CDH12: variants seen among roughly 807,000 people sequenced by gnomAD.
CDH12 encodes cadherin-12.
CDH12 carries 41 observed loss-of-function variants against 74.1 expected under a neutral mutation model. The observed-to-expected ratio is 0.55, with a 90% CI of 0.43 to 0.72. The LOEUF is 0.72. Ranked by LOEUF, CDH12 falls within the 30% of genes least tolerant of loss-of-function variation. CDH12 has a pLI of 0.00. For missense variants in CDH12, 945 were observed against 977.2 expected (o/e 0.97, Z 0.44); for synonymous variants, 399 against 355.0 (o/e 1.12, Z -1.39).
chr5:21,808,355 A>T (rs371869838), intron 9 of CDH12, among the ~76,000 whole-genome samples: 1 of 151,828 alleles, frequency 6.6e-6, no homozygotes, highest in Non-Finnish European at 1.5e-5. Flanking sequence ...GTATTACTTC[A>T]ATTTTTATAG....
At chr5:22,587,504 A>C (rs973872296) in intron 1 of CDH12, among the ~76,000 whole-genome samples, 1 of 152,172 alleles carries the variant, frequency 6.6e-6, no homozygotes, top group Non-Finnish European at 1.5e-5. Flanking sequence ...ACTCGGATGA[A>C]GGCCAACCCT....
rs369308891 is a variant in CDH12 at position 22,248,903 on chromosome 5, G to A, written c.-332-36260C>T. On this transcript the variant is annotated intron_variant, in intron 3 of 14. Coordinates refer to ENST00000382254, the MANE Select transcript of CDH12 (RefSeq NM_004061.5). ...ATATAAAAATATTCAGAACAAAAAT[G>A]TCATGTTATACACAAATCTAACCTC... Among the ~76,000 whole-genome samples the A allele has an allele frequency of 3.9e-5, 6 of 151,918 alleles. No individual in the cohort carries two copies. In the South Asian group the frequency reaches 1.2e-3, roughly 32 times the overall value.
At chr5:22,194,308 C>CTTTTTTTTTTTTT (rs59899245) in intron 4 of CDH12, among the ~76,000 whole-genome samples, 6 of 139,862 alleles carry the variant, frequency 4.3e-5, no homozygotes, top group South Asian at 2.3e-4. Context: ...CTTTTTCTTT[C>CTTTTTTTTTTTTT]TTTTTTTTTT....
At chr5:22,396,040 T>C (rs1321267904) in intron 3 of CDH12, among the ~76,000 whole-genome samples, 1 of 147,660 alleles carries the variant, frequency 6.8e-6, no homozygotes, top group Non-Finnish European at 1.5e-5. Context: ...AGTTGATTCA[T>C]GATGATTGAA....
intron 2 of CDH12, among the ~76,000 whole-genome samples, chr5:22,475,481 A>C (rs532116645): frequency 6.6e-6 from 1 of 152,138 alleles, no homozygotes; most frequent in East Asian, 1.9e-4. Flanking sequence ...TATTGACTAT[A>C]TTAATATAAA....
At chr5:22,345,222 C>G (rs1303815139) in intron 3 of CDH12, among the ~76,000 whole-genome samples, 1 of 151,958 alleles carries the variant, frequency 6.6e-6, no homozygotes, top group Non-Finnish European at 1.5e-5. Flanking sequence ...GCTTCCACAT[C>G]ATGCTGATGA....
At chr5:22,701,201 A>T (rs1403026835) in intron 1 of CDH12, among the ~76,000 whole-genome samples, 1 of 152,060 alleles carries the variant, frequency 6.6e-6, no homozygotes, top group Non-Finnish European at 1.5e-5. Flanking sequence ...TAGGTTTGAT[A>T]ATCACCTCAA....
At chr5:21,871,110 C>T (rs1442526309) in intron 6 of CDH12, among the ~76,000 whole-genome samples, 1 of 152,058 alleles carries the variant, frequency 6.6e-6, no homozygotes, top group South Asian at 2.1e-4. Context: ...TGACAGGTAA[C>T]AGAATTTTTA....
At chr5:22,237,534 G>C (rs1245186598) in intron 3 of CDH12, among the ~76,000 whole-genome samples, 1 of 152,088 alleles carries the variant, frequency 6.6e-6, no homozygotes, top group Non-Finnish European at 1.5e-5. Flanking sequence ...TAAGGACATG[G>C]AAAGAGAGTG....
At chr5:22,218,956 T>G (rs1751917928) in intron 3 of CDH12, among the ~76,000 whole-genome samples, 1 of 151,732 alleles carries the variant, frequency 6.6e-6, no homozygotes, top group Admixed American at 6.6e-5. Context: ...TCCCATTCAA[T>G]CATATTTTAA....
intron 1 of CDH12, among the ~76,000 whole-genome samples, chr5:22,579,606 C>T (rs942167369): frequency 1.6e-4 from 24 of 151,870 alleles, no homozygotes; most frequent in African/African-American, 5.6e-4. Context: ...ACTGAACATA[C>T]CCTAATTTTC....
intron 3 of CDH12, among the ~76,000 whole-genome samples, chr5:22,243,765 C>CA (rs1335941164): frequency 5.3e-5 from 8 of 152,098 alleles, no homozygotes; most frequent in African/African-American, 1.9e-4. Flanking sequence ...TCCTGACACT[C>CA]ACAATGTGTA....
intron 6 of CDH12, among the ~76,000 whole-genome samples, chr5:21,861,899 AGTGTGT>A (rs59953319): frequency 4.7e-5 from 7 of 147,832 alleles, no homozygotes; most frequent in South Asian, 2.1e-4. Flanking sequence ...GGTCATTTCT[AGTGTGT>A]GTGTGTGTGT....
At chr5:22,654,782 C>T (rs918786760) in intron 1 of CDH12, among the ~76,000 whole-genome samples, 2 of 151,730 alleles carry the variant, frequency 1.3e-5, no homozygotes, top group African/African-American at 4.8e-5. Context: ...AGGCATGCAC[C>T]ACCAAGCTGG....
chr5:21,887,505 C>G (rs1391790135), intron 6 of CDH12, among the ~76,000 whole-genome samples: 2 of 152,136 alleles, frequency 1.3e-5, no homozygotes, highest in Non-Finnish European at 2.9e-5. Context: ...CTGCCTGTGA[C>G]TTTTTTCATC....
intron 3 of CDH12, among the ~76,000 whole-genome samples, chr5:22,323,791 A>C (rs1738980478): frequency 6.6e-6 from 1 of 152,158 alleles, no homozygotes; most frequent in Admixed American, 6.5e-5. Context: ...TTTAAGTTAT[A>C]GAAAGAAGAG....
intron 1 of CDH12, among the ~76,000 whole-genome samples, chr5:22,720,507 G>T (rs451822): frequency 5.1e-4 from 77 of 152,086 alleles, no homozygotes; most frequent in African/African-American, 1.6e-3. Flanking sequence ...TGCAGAGAGT[G>T]GGGGCACTGC....
intron 1 of CDH12, among the ~76,000 whole-genome samples, chr5:22,834,359 G>T (rs1420766440): frequency 6.6e-6 from 1 of 152,124 alleles, no homozygotes; most frequent in Non-Finnish European, 1.5e-5. Flanking sequence ...TTTGCAGAGA[G>T]ATTTAATGTA....
At chr5:22,275,936 T>G (rs2150403337) in intron 3 of CDH12, among the ~76,000 whole-genome samples, 1 of 152,308 alleles carries the variant, frequency 6.6e-6, no homozygotes, top group South Asian at 2.1e-4. Flanking sequence ...TATTTTAAAG[T>G]TACCCTATTT....
Sources: gnomAD v4.1 joint callset for allele counts (sites outside exome capture counted in the v4.1 genomes callset) on GRCh38, gnomAD v4.1.1 for gene constraint, MANE v1.5 for transcripts, NCBI Gene and HGNC (gene_info 2026-07-23, HGNC 2026-07-21) for gene names.